The following RANBP2 variants were observed in gnomAD, a reference collection of about 807,000 sequenced individuals.
RANBP2 encodes RAN binding protein 2.
A neutral mutation model predicts 303.6 loss-of-function variants in RANBP2; 57 were observed. The ratio of observed to expected loss-of-function variants is 0.19; its 90% CI spans 0.15 to 0.23. RANBP2 has a LOEUF of 0.23. RANBP2 is among the 10% of genes least tolerant of loss of function. The probability of loss-of-function intolerance (pLI) is 1.00; values close to 1 mark genes in which losing one functional copy is unlikely to be tolerated. For missense variants in RANBP2, 3,138 were observed against 3,780.8 expected (o/e 0.83, Z 4.46); for synonymous variants, 1,167 against 1,301.5 (o/e 0.90, Z 2.23).
chr2:108,957,166 G>C, the RANBP2 span, among the ~76,000 whole-genome samples: 1 of 152,228 alleles, frequency 6.6e-6, no homozygotes, highest in African/African-American at 2.4e-5. Context: ...ATCTAAGTGA[G>C]GTAACTGGCC....
chr2:109,609,615 C>CAAAAA, the RANBP2 span, among the ~76,000 whole-genome samples: 2 of 97,954 alleles, frequency 2.0e-5, no homozygotes, highest in Non-Finnish European at 4.2e-5. Flanking sequence ...GACTCCGCCT[C>CAAAAA]AAAAAAAAAA....
chr2:108,847,807 C>T, the RANBP2 span, among the ~76,000 whole-genome samples: 14 of 152,128 alleles, frequency 9.2e-5, no homozygotes, highest in African/African-American at 2.4e-4. Flanking sequence ...TAGTTACTCC[C>T]GATGGTATGG....
chr2:109,731,718 C>T, the RANBP2 span, among the ~76,000 whole-genome samples: 1 of 152,072 alleles, frequency 6.6e-6, no homozygotes, highest in East Asian at 1.9e-4. Flanking sequence ...AACTCCTGAC[C>T]TCAGGTGATC....
chr2:109,496,127 C>T, the RANBP2 span, among the ~76,000 whole-genome samples: 24 of 152,322 alleles, frequency 1.6e-4, 1 homozygote, highest in East Asian at 1.7e-3. Context: ...CCTATCAGAA[C>T]GCCCTTTTTT....
the RANBP2 span, among the ~76,000 whole-genome samples, chr2:108,953,926 T>C: frequency 6.6e-6 from 1 of 152,218 alleles, no homozygotes; most frequent in Non-Finnish European, 1.5e-5. Context: ...AATGTTTTTC[T>C]ACATATTATA....
the RANBP2 span, among the ~76,000 whole-genome samples, chr2:108,860,705 A>G: frequency 6.6e-6 from 1 of 151,940 alleles, no homozygotes; most frequent in African/African-American, 2.4e-5. Flanking sequence ...TCCGTTTGCC[A>G]GTATTTTGTT....
the RANBP2 span, among the ~76,000 whole-genome samples, chr2:109,506,285 G>A: frequency 6.6e-6 from 1 of 152,198 alleles, no homozygotes; most frequent in East Asian, 1.9e-4. Context: ...ACTGCGGAGG[G>A]GCGTTGAGTC....
At chr2:109,322,617 C>T in the RANBP2 span, among the ~76,000 whole-genome samples, 1 of 152,266 alleles carries the variant, frequency 6.6e-6, no homozygotes, top group Admixed American at 6.5e-5. Context: ...GCAGTAGTCG[C>T]CAGTCAAATG....
At chr2:108,720,773 C>T (rs1292732862) in intron 1 of RANBP2, among the ~76,000 whole-genome samples, 2 of 152,216 alleles carry the variant, frequency 1.3e-5, no homozygotes, top group African/African-American at 2.4e-5. Context: ...TGGCGGGGCG[C>T]AGTGGCTCAC....
the RANBP2 span, chr2:108,812,491 C>G: frequency 1.6e-6 from 1 of 631,132 alleles, no homozygotes; most frequent in Non-Finnish European, 2.8e-6. Context: ...CAGTTGTGAT[C>G]TAAGTTAATC....
At chr2:109,652,398 ATTT>A in the RANBP2 span, among the ~76,000 whole-genome samples, 27,336 of 151,282 alleles carry the variant, frequency 0.18, 3,235 homozygotes, top group Middle Eastern at 0.28. Context: ...AATTTTTTGT[ATTT>A]TTTTTAGTAG....
At chr2:109,099,486 C>G in the RANBP2 span, among the ~76,000 whole-genome samples, 6 of 152,156 alleles carry the variant, frequency 3.9e-5, no homozygotes, top group Admixed American at 6.5e-5. Context: ...GAAGGGAAGT[C>G]TAATGGTGGT....
chr2:109,521,158 C>T, the RANBP2 span, among the ~76,000 whole-genome samples: 1 of 150,324 alleles, frequency 6.7e-6, no homozygotes, highest in Non-Finnish European at 1.5e-5. Context: ...GCGGAGCTTG[C>T]AGTGAGCCAA....
At chr2:108,838,827 T>A in the RANBP2 span, among the ~76,000 whole-genome samples, 1 of 152,052 alleles carries the variant, frequency 6.6e-6, no homozygotes, top group African/African-American at 2.4e-5. Flanking sequence ...TGTAAACACC[T>A]TTTTTCACCC....
chr2:108,808,897 C>A, the RANBP2 span, among the ~76,000 whole-genome samples: 1 of 152,000 alleles, frequency 6.6e-6, no homozygotes, highest in Non-Finnish European at 1.5e-5. Flanking sequence ...TTTGCCCAGG[C>A]GATTGTCGTG....
At chr2:109,431,246 A>G in the RANBP2 span, among the ~76,000 whole-genome samples, 6 of 152,132 alleles carry the variant, frequency 3.9e-5, no homozygotes, top group South Asian at 8.3e-4. Flanking sequence ...CAGCATCCCC[A>G]CCCAGCAGCC....
chr2:109,661,269 C>T, the RANBP2 span, among the ~76,000 whole-genome samples: 830 of 144,938 alleles, frequency 5.7e-3, 8 homozygotes, highest in African/African-American at 0.021. Flanking sequence ...TTTTCTGAGA[C>T]GGAGTTTCAC....
chr2:109,405,170 T>G, the RANBP2 span, among the ~76,000 whole-genome samples: 1 of 152,074 alleles, frequency 6.6e-6, no homozygotes, highest in African/African-American at 2.4e-5. Context: ...GATTCTCTTC[T>G]CCAACTACCT....
chr2:109,615,592 TGGACATCAG>T, the RANBP2 span: 1 of 1,613,690 alleles, frequency 6.2e-7, no homozygotes. Flanking sequence ...GACGCCGATG[TGGACATCAG>T]GGACTACAGT....
Sources: allele counts gnomAD v4.1 joint callset (sites outside exome capture counted in the v4.1 genomes callset), GRCh38; gene constraint gnomAD v4.1.1; transcripts MANE v1.5; gene names NCBI Gene and HGNC (gene_info 2026-07-23, HGNC 2026-07-21).